The following PTPRD variants were observed in gnomAD, a reference collection of about 807,000 sequenced individuals.
The protein encoded by PTPRD is receptor-type tyrosine-protein phosphatase delta.
PTPRD carries 34 observed loss-of-function variants against 214.5 expected under a neutral mutation model. The observed-to-expected ratio is 0.16, with a 90% CI of 0.12 to 0.21. PTPRD has a LOEUF of 0.21. PTPRD is among the 10% of genes least tolerant of loss of function. The pLI, the probability that PTPRD is intolerant of heterozygous loss-of-function variation, is 1.00. For synonymous variants in PTPRD, 1,128 were observed against 845.7 expected, an observed-to-expected ratio of 1.33 and a Z score of -5.79; for missense variants, 2,545 against 2,398.7, an observed-to-expected ratio of 1.06 and a Z score of -1.27.
intron 30 of PTPRD, among the ~76,000 whole-genome samples, chr9:8,480,246 C>G (rs2096852582): frequency 6.6e-6 from 1 of 152,292 alleles, no homozygotes; most frequent in East Asian, 1.9e-4. Flanking sequence ...ATCAGAGACG[C>G]TCTATCCTCT....
chr9:10,576,037 T>G (rs1032257206), intron 2 of PTPRD, among the ~76,000 whole-genome samples: 13 of 152,268 alleles, frequency 8.5e-5, no homozygotes, highest in Admixed American at 7.9e-4. Context: ...TAGAAAGAGT[T>G]TGGTTCACAG....
At chr9:8,945,945 T>G (rs2099061362) in intron 11 of PTPRD, among the ~76,000 whole-genome samples, 1 of 152,192 alleles carries the variant, frequency 6.6e-6, no homozygotes, top group African/African-American at 2.4e-5. Flanking sequence ...CTGTAATATA[T>G]TCTCCTCACC....
At chr9:10,335,579 T>C (rs1391885547) in intron 3 of PTPRD, among the ~76,000 whole-genome samples, 1 of 151,110 alleles carries the variant, frequency 6.6e-6, no homozygotes, top group Non-Finnish European at 1.5e-5. Flanking sequence ...ATCCATGAAA[T>C]AAATAAATGA....
chr9:9,637,212 CT>C (rs1468375911), intron 7 of PTPRD, among the ~76,000 whole-genome samples: 1 of 152,102 alleles, frequency 6.6e-6, no homozygotes, highest in Non-Finnish European at 1.5e-5. Flanking sequence ...CACAAAATAC[CT>C]TCATTTCACC....
intron 4 of PTPRD, among the ~76,000 whole-genome samples, chr9:9,986,350 A>T (rs546703873): frequency 1.3e-5 from 2 of 152,312 alleles, no homozygotes; most frequent in African/African-American, 2.4e-5. Flanking sequence ...AGTGTCTATC[A>T]ACAGGAAATT....
At chr9:9,486,839 G>A (rs997542941) in intron 8 of PTPRD, among the ~76,000 whole-genome samples, 1 of 152,050 alleles carries the variant, frequency 6.6e-6, no homozygotes, top group East Asian at 1.9e-4. Flanking sequence ...TTGTTCTTTT[G>A]TCTGTATTCA....
intron 4 of PTPRD, among the ~76,000 whole-genome samples, chr9:10,001,012 G>T (rs1433824264): frequency 6.6e-6 from 1 of 152,068 alleles, no homozygotes; most frequent in Admixed American, 6.6e-5. Context: ...CCACTTTTTC[G>T]CAGCAGCACA....
At chr9:8,626,769 G>C (rs1473493038) in intron 14 of PTPRD, among the ~76,000 whole-genome samples, 1 of 151,544 alleles carries the variant, frequency 6.6e-6, no homozygotes, top group African/African-American at 2.4e-5. Context: ...GCTCTTCCTA[G>C]GTCTTCAGCT....
At chr9:9,120,328 A>G (rs929716167) in intron 10 of PTPRD, among the ~76,000 whole-genome samples, 11 of 152,252 alleles carry the variant, frequency 7.2e-5, no homozygotes, top group African/African-American at 2.7e-4. Flanking sequence ...CAGTAATTAC[A>G]TGGAGACCGT....
At chr9:8,864,660 G>A (rs1011447470) in intron 11 of PTPRD, among the ~76,000 whole-genome samples, 4 of 152,172 alleles carry the variant, frequency 2.6e-5, no homozygotes, top group Admixed American at 6.5e-5. Flanking sequence ...TGCAGGGAGC[G>A]CATTCCTATG....
intron 11 of PTPRD, among the ~76,000 whole-genome samples, chr9:8,951,417 TA>T (rs2099101633): frequency 6.6e-6 from 1 of 151,286 alleles, no homozygotes; most frequent in Non-Finnish European, 1.5e-5. Flanking sequence ...GTAGGTTATC[TA>T]ATTGAAGCCA....
chr9:9,334,758 A>G (rs930397665), intron 9 of PTPRD, among the ~76,000 whole-genome samples: 1 of 151,868 alleles, frequency 6.6e-6, no homozygotes, highest in African/African-American at 2.4e-5. Flanking sequence ...TATCATGATC[A>G]TCATCATCAT....
At chr9:10,333,424 C>A (rs1298022755) in intron 3 of PTPRD, among the ~76,000 whole-genome samples, 1 of 151,736 alleles carries the variant, frequency 6.6e-6, no homozygotes, top group Non-Finnish European at 1.5e-5. Flanking sequence ...TTCTCTATTT[C>A]CTGCTGACAC....
chr9:8,795,146 T>C (rs1481188282), intron 11 of PTPRD, among the ~76,000 whole-genome samples: 2 of 152,024 alleles, frequency 1.3e-5, no homozygotes, highest in South Asian at 4.1e-4. Context: ...CATCCACCCC[T>C]ATGTTTATTT....
intron 7 of PTPRD, among the ~76,000 whole-genome samples, chr9:9,683,420 T>C (rs943223284): frequency 1.3e-5 from 2 of 151,646 alleles, no homozygotes; most frequent in African/African-American, 4.8e-5. Context: ...CAGCACCTGG[T>C]AAAACAGACT....
At chr9:9,384,414 T>C (rs2063273064) in intron 9 of PTPRD, among the ~76,000 whole-genome samples, 1 of 130,104 alleles carries the variant, frequency 7.7e-6, no homozygotes, top group South Asian at 2.7e-4. Flanking sequence ...ATCCAAGAGA[T>C]AGTTCAATGT....
chr9:9,760,173 A>C (rs1156780989), intron 6 of PTPRD, among the ~76,000 whole-genome samples: 1 of 152,138 alleles, frequency 6.6e-6, no homozygotes, highest in Non-Finnish European at 1.5e-5. Context: ...TAGCCTCAGC[A>C]AGCTTTTCCT....
intron 9 of PTPRD, among the ~76,000 whole-genome samples, chr9:9,224,101 G>A (rs1042474489): frequency 3.9e-5 from 6 of 151,964 alleles, no homozygotes; most frequent in African/African-American, 1.4e-4. Flanking sequence ...ACTTTAGAAG[G>A]AGTATTGGAG....
chr9:10,552,609 A>T (rs958897745), intron 2 of PTPRD, among the ~76,000 whole-genome samples: 4 of 152,178 alleles, frequency 2.6e-5, no homozygotes, highest in Non-Finnish European at 5.9e-5. Flanking sequence ...CGCTAGATCA[A>T]CCAATTGCTC....
Sources: allele counts gnomAD v4.1 joint callset (sites outside exome capture counted in the v4.1 genomes callset), GRCh38; gene constraint gnomAD v4.1.1; transcripts MANE v1.5; gene names NCBI Gene and HGNC (gene_info 2026-07-23, HGNC 2026-07-21).